The following EEFSEC variants were observed in gnomAD, a reference collection of about 807,000 sequenced individuals.
The protein encoded by EEFSEC is selenocysteine-specific elongation factor.
A neutral mutation model predicts 42.1 loss-of-function variants in EEFSEC; 43 were observed. The observed-to-expected ratio is 1.02, with a 90% CI of 0.80 to 1.32. The LOEUF is 1.32. EEFSEC is among the 40% of genes most tolerant of loss of function. The probability of loss-of-function intolerance (pLI) is 0.00; values close to 1 mark genes in which losing one functional copy is unlikely to be tolerated. For synonymous variants in EEFSEC, 354 were observed against 339.1 expected, an observed-to-expected ratio of 1.04 and a Z score of -0.48; for missense variants, 745 against 803.6, an observed-to-expected ratio of 0.93 and a Z score of 0.88.
intron 1 of EEFSEC, among the ~76,000 whole-genome samples, chr3:128,158,345 T>G (rs1944415164): frequency 6.6e-6 from 1 of 152,238 alleles, no homozygotes; most frequent in Non-Finnish European, 1.5e-5. Context: ...AGTGGCAAGA[T>G]TTGAGAGGAC....
rs564363817 is a variant in EEFSEC, at chr3:128,327,184, CT to C, written c.787-14048del. Among the ~76,000 whole-genome samples, 46 of 152,268 alleles carry C rather than the reference CT, an allele frequency of 3.0e-4. 1 individual carries two copies. The highest frequency in any genetic ancestry group is 5.4e-4 in the Non-Finnish European group (37 of 68,032). On this transcript the variant is annotated intron_variant, in intron 4 of 6. Transcript: ENST00000254730. Reference sequence around the variant, plus strand: ...GCTGCCCTGTCTTTGTGATTATTCCCTGTGCTGCACTGACCATCTTCTTGTG... The same window carrying C: ...GCTGCCCTGTCTTTGTGATTATTCCCGTGCTGCACTGACCATCTTCTTGTG...
chr3:128,231,459 A>C (rs941715141), intron 1 of EEFSEC, among the ~76,000 whole-genome samples: 8 of 152,176 alleles, frequency 5.3e-5, no homozygotes, highest in Admixed American at 3.9e-4. Flanking sequence ...TCTTTGTTCT[A>C]AGCAGTCTGC....
At chr3:128,222,541 C>T (rs2065871492) in intron 1 of EEFSEC, among the ~76,000 whole-genome samples, 1 of 152,046 alleles carries the variant, frequency 6.6e-6, no homozygotes, top group African/African-American at 2.4e-5. Flanking sequence ...TCTTCTATAC[C>T]ATAATTAAAT....
intron 5 of EEFSEC, among the ~76,000 whole-genome samples, chr3:128,343,123 G>C (rs1290974315): frequency 5.9e-5 from 9 of 152,210 alleles, no homozygotes; most frequent in Non-Finnish European, 2.9e-5. Flanking sequence ...ACAGGAGCCT[G>C]ATGAGGTCCC....
rs1487473338 is a variant in EEFSEC, at chr3:128,341,430, C to G, written c.984C>G (p.Pro328=). The change falls in exon 5 of 7, where the codon CCC becomes CCG. Residue 328 remains proline, a synonymous_variant. Transcript: ENST00000254730. Reference sequence around the variant, plus strand: ...AAAAGATACCGTATTTCCGGGGGCCCCTGCAAACCAAGGCCAAGTTCCACA... The same window carrying G: ...AAAAGATACCGTATTTCCGGGGGCCGCTGCAAACCAAGGCCAAGTTCCACA... The part of the protein sequence containing the change: ...SVEKIPYFRG[P]LQTKAKFHIT... The G allele has an allele frequency of 6.2e-7, 1 of 1,614,170 alleles. No individual in the cohort carries two copies. Among genetic ancestry groups the G allele is most frequent in the Admixed American group, 1.7e-5 (1 of 60,034 alleles).
At chr3:128,270,999 T>C (rs1220908290) in intron 4 of EEFSEC, among the ~76,000 whole-genome samples, 2 of 152,122 alleles carry the variant, frequency 1.3e-5, no homozygotes, top group African/African-American at 2.4e-5. Flanking sequence ...CCAGAAAATA[T>C]TTGGTGAAAG....
intron 1 of EEFSEC, among the ~76,000 whole-genome samples, chr3:128,243,597 C>T (rs1012434900): frequency 2.0e-5 from 3 of 152,218 alleles, no homozygotes; most frequent in African/African-American, 7.2e-5. Context: ...ATTGAAAACC[C>T]AGGCCTTGGT....
chr3:128,303,122 A>G (rs1576622178), intron 4 of EEFSEC, among the ~76,000 whole-genome samples: 2 of 151,982 alleles, frequency 1.3e-5, no homozygotes, highest in Non-Finnish European at 2.9e-5. Flanking sequence ...TTTAAACATT[A>G]TTATTATTAT....
At chr3:128,208,576 G>A (rs188999560) in intron 1 of EEFSEC, among the ~76,000 whole-genome samples, 5 of 152,322 alleles carry the variant, frequency 3.3e-5, no homozygotes, top group African/African-American at 1.2e-4. Flanking sequence ...TTGGGAAGGG[G>A]CTGTGTTGAA....
chr3:128,276,901 AG>A (rs940921296), intron 4 of EEFSEC, among the ~76,000 whole-genome samples: 7 of 152,210 alleles, frequency 4.6e-5, no homozygotes, highest in African/African-American at 1.7e-4. Context: ...TGCCACCAGG[AG>A]GGAAGGGGAG....
chr3:128,265,368 TC>T (rs2066343541), intron 4 of EEFSEC, among the ~76,000 whole-genome samples: 1 of 152,174 alleles, frequency 6.6e-6, no homozygotes, highest in African/African-American at 2.4e-5. Context: ...GTTGGTGCCT[TC>T]CCATCACCCC....
intron 1 of EEFSEC, among the ~76,000 whole-genome samples, chr3:128,222,341 T>A (rs976071811): frequency 1.3e-5 from 2 of 151,906 alleles, no homozygotes; most frequent in African/African-American, 4.8e-5. Context: ...CTTAAAGTAT[T>A]TTTTTTTACT....
At chr3:128,386,460 G>A (rs1397365033) in intron 6 of EEFSEC, among the ~76,000 whole-genome samples, 3 of 151,470 alleles carry the variant, frequency 2.0e-5, no homozygotes, top group Admixed American at 2.0e-4. Context: ...GTGGGATATG[G>A]TATCAGCTGA....
At chr3:128,384,950 AT>A (rs1203961230) in intron 6 of EEFSEC, among the ~76,000 whole-genome samples, 1 of 152,168 alleles carries the variant, frequency 6.6e-6, no homozygotes, top group Non-Finnish European at 1.5e-5. Context: ...GCCCCCTGCT[AT>A]CTCCCTGGAA....
At chr3:128,384,910 G>A (rs1055483693) in intron 6 of EEFSEC, among the ~76,000 whole-genome samples, 11 of 152,178 alleles carry the variant, frequency 7.2e-5, no homozygotes, top group African/African-American at 2.4e-4. Context: ...AAAAGCAGCA[G>A]TGGTGGGACA....
chr3:128,333,646 A>G (rs16844000), intron 4 of EEFSEC, among the ~76,000 whole-genome samples: 11,107 of 152,262 alleles, frequency 0.073, 1,050 homozygotes, highest in East Asian at 0.36. Context: ...CATCTTCCAT[A>G]TCGGCCCTGT....
In EEFSEC at chr3:128,354,581, G is replaced by C. The variant is rs572657004; in HGVS notation, c.1444-3636G>C. On this transcript the variant is annotated intron_variant, in intron 5 of 6. Coordinates refer to ENST00000254730, the MANE Select transcript of EEFSEC (RefSeq NM_021937.5). ...CAGCTTCCCCTGGCTCTAGTCCTTTGTTTATGTAGCACTTAAACTAACTTT... is the reference window on the plus strand; with the variant it reads ...CAGCTTCCCCTGGCTCTAGTCCTTTCTTTATGTAGCACTTAAACTAACTTT... Among the ~76,000 whole-genome samples, 15 of 152,268 alleles carry C rather than the reference G, an allele frequency of 9.9e-5. No homozygotes were observed. In the South Asian group the frequency reaches 2.9e-3, roughly 30 times the overall value.
Position 128,340,716 on chromosome 3 carries a change from T to G in EEFSEC, c.787-517T>G, listed in dbSNP as rs532070358. Among the ~76,000 whole-genome samples, 114 of 152,180 alleles carry G rather than the reference T, an allele frequency of 7.5e-4. 9 individuals are homozygous for G. The highest frequency in any genetic ancestry group is 2.8e-4 in the Non-Finnish European group (19 of 68,016). On this transcript the variant is annotated intron_variant, in intron 4 of 6. Coordinates refer to ENST00000254730, the MANE Select transcript of EEFSEC (RefSeq NM_021937.5). ...TTACCACTAAGGAGTCAGGGTCAAG[T>G]TCTGCCACTGGGAGTTGGGACAGGC...
downstream of EEFSEC, among the ~76,000 whole-genome samples, chr3:128,410,616 G>A (rs1254905915): frequency 6.6e-6 from 1 of 152,184 alleles, no homozygotes; most frequent in Non-Finnish European, 1.5e-5. Context: ...TCATGCCTCA[G>A]TGTCCCCATG....
Sources: allele counts gnomAD v4.1 joint callset (sites outside exome capture counted in the v4.1 genomes callset), GRCh38; gene constraint gnomAD v4.1.1; transcripts MANE v1.5; gene names NCBI Gene and HGNC (gene_info 2026-07-23, HGNC 2026-07-21).